CDIP1: variants seen among roughly 807,000 people sequenced by gnomAD.
CDIP1 encodes cell death-inducing p53-target protein 1.
CDIP1 carries 9 observed loss-of-function variants against 17.7 expected under a neutral mutation model. The ratio of observed to expected loss-of-function variants is 0.51; its 90% CI spans 0.31 to 0.89. The LOEUF is 0.89. CDIP1 is among the 40% of genes least tolerant of loss of function. The pLI is 0.05. For synonymous variants in CDIP1, 117 were observed against 109.5 expected (o/e 1.07, Z -0.43); for missense variants, 263 against 277.9 (o/e 0.95, Z 0.38).
At chr16:4,527,764 C>T (rs1199664817) in intron 1 of CDIP1, among the ~76,000 whole-genome samples, 3 of 152,168 alleles carry the variant, frequency 2.0e-5, no homozygotes, top group African/African-American at 7.2e-5. Context: ...TGGTTACATG[C>T]ATGTGATTAG....
At chr16:4,518,933 G>T (rs2058915972) in intron 1 of CDIP1, among the ~76,000 whole-genome samples, 1 of 152,226 alleles carries the variant, frequency 6.6e-6, no homozygotes, top group South Asian at 2.1e-4. Context: ...GATCTGCCCA[G>T]TTCCCAACAG....
chr16:4,517,212 T>C (rs552567767), intron 1 of CDIP1, among the ~76,000 whole-genome samples: 3 of 152,342 alleles, frequency 2.0e-5, no homozygotes, highest in Admixed American at 6.5e-5. Context: ...GTGCCAGTTA[T>C]TAATTTTCAT....
intron 1 of CDIP1, among the ~76,000 whole-genome samples, chr16:4,522,232 G>A (rs920372632): frequency 7.9e-5 from 12 of 152,242 alleles, no homozygotes; most frequent in Admixed American, 7.2e-4. Flanking sequence ...GTCCTCCAAG[G>A]GCCATCTCTC....
intron 1 of CDIP1, among the ~76,000 whole-genome samples, chr16:4,523,572 G>A (rs2058972132): frequency 6.6e-6 from 1 of 152,136 alleles, no homozygotes; most frequent in African/African-American, 2.4e-5. Context: ...AAGTGAAGAG[G>A]ATGAGCGTTA....
In CDIP1 at chr16:4,536,020, T is replaced by G. The variant is rs544388489; in HGVS notation, c.-105+2682A>C. 5.3e-5 allele frequency among the ~76,000 whole-genome samples: 8 copies of G among 152,326 alleles called. No homozygotes were observed. The East Asian group carries it at 7.7e-4, about 15-fold the overall frequency. On this transcript the variant is annotated intron_variant, in intron 1 of 5. Transcript: ENST00000567695. ...CCTGTCACCACTGCCGGCCTGGCTC[T>G]CTCTCTCCATCCTCCCCATGGAGCG...
intron 1 of CDIP1, chr16:4,522,489 C>T (rs1406818521): frequency 6.6e-6 from 1 of 152,288 alleles, no homozygotes; most frequent in African/African-American, 2.4e-5. Flanking sequence ...AGGCAGGTCC[C>T]AGGCATCCAG....
rs115282479 is a variant in CDIP1, at chr16:4,512,744, G to A, written c.515+47C>T. Reference sequence around the variant, plus strand: ...GCTGCGGAGGAGGCAGAGGCAGCCAGTTGACCCTGGTGCAGCCCCCACCCT... The same window carrying A: ...GCTGCGGAGGAGGCAGAGGCAGCCAATTGACCCTGGTGCAGCCCCCACCCT... On this transcript the variant is annotated intron_variant, in intron 5 of 5. Transcript: ENST00000567695. The surrounding 1 kb of genome is among the most constrained non-coding windows in gnomAD (Gnocchi z 4.6). The A allele has an allele frequency of 2.1e-4, 333 of 1,603,460 alleles. No homozygotes were observed. In the African/African-American group the frequency reaches 3.6e-3, roughly 17 times the overall value.
At chr16:4,516,024 C>G (rs2058883721) in intron 1 of CDIP1, among the ~76,000 whole-genome samples, 1 of 152,076 alleles carries the variant, frequency 6.6e-6, no homozygotes, top group African/African-American at 2.4e-5. Context: ...TGGAAACAAC[C>G]CAAATGTCCA....
intron 1 of CDIP1, among the ~76,000 whole-genome samples, chr16:4,521,204 A>G (rs755524024): frequency 7.2e-5 from 11 of 151,916 alleles, no homozygotes; most frequent in Non-Finnish European, 1.5e-4. Context: ...TTGTTTCCGC[A>G]CTGCTCCTAC....
intron 1 of CDIP1, among the ~76,000 whole-genome samples, chr16:4,516,223 A>G (rs1301002088): frequency 6.6e-6 from 1 of 152,190 alleles, no homozygotes; most frequent in African/African-American, 2.4e-5. Context: ...AGGCAAACCC[A>G]TAGAAACGGA....
At chr16:4,535,986 A>G (rs959665526) in intron 1 of CDIP1, among the ~76,000 whole-genome samples, 3 of 152,178 alleles carry the variant, frequency 2.0e-5, no homozygotes, top group African/African-American at 7.2e-5. Context: ...CGTGGGGGAA[A>G]GGGAACCTCC....
chr16:4,534,701 T>TG lies in CDIP1; in HGVS notation c.-105+4000_-105+4001insC, dbSNP rs1249452090. Among the ~76,000 whole-genome samples the TG allele has an allele frequency of 1.5e-3, 211 of 144,086 alleles. 2 individuals carry two copies. The highest frequency in any genetic ancestry group is 0.015 in the East Asian group (73 of 5,002). The allele number at this position is 144,086 out of a possible 152,430, so 94.5% of individuals were successfully genotyped here. A position where few individuals can be genotyped will look rare whatever the true frequency, so the allele number is the denominator to read the frequency against. On this transcript the variant is annotated intron_variant, in intron 1 of 5. Coordinates refer to ENST00000567695, the MANE Select transcript of CDIP1 (RefSeq NM_013399.3). ...CCGCTGTTTGCATGGTTTTTTTTTT[T>TG]TTTTTTTTTTTTGGTTTTTGTTTGT...
Position 4,512,731 on chromosome 16 carries a change from G to A in CDIP1, c.516-48C>T. The A allele has an allele frequency of 1.2e-6, 2 of 1,604,458 alleles. No individual in the cohort carries two copies. Among genetic ancestry groups the A allele is most frequent in the Admixed American group, 1.7e-5 (1 of 59,576 alleles). On this transcript the variant is annotated intron_variant, in intron 5 of 5. Transcript: ENST00000567695. This position sits in a 1 kb window ranked among gnomAD's most constrained non-coding sequence, Gnocchi z 4.6. The stretch of plus-strand genomic sequence containing the variant: ...CAGGCTGAGGCCTGCTGCGGAGGAG[G>A]CAGAGGCAGCCAGTTGACCCTGGTG...
At chr16:4,525,169 C>G (rs896617181) in intron 1 of CDIP1, among the ~76,000 whole-genome samples, 1 of 152,078 alleles carries the variant, frequency 6.6e-6, no homozygotes, top group African/African-American at 2.4e-5. Context: ...TTCAAGTGAT[C>G]CATGATCAAA....
rs984612002 is a variant in CDIP1 at position 4,511,238 on chromosome 16, C to T, written c.*1334G>A. ...GGGTGTGAGACCCTGAGGACTCAGC[C>T]TCCCGTCCTGCCAGTAGACTGCCTG... On this transcript the variant is annotated 3_prime_UTR_variant, in exon 6 of 6. Transcript: ENST00000567695. 1.3e-5 allele frequency: 2 copies of T among 152,646 alleles called. No homozygotes were observed. Among genetic ancestry groups the T allele is most frequent in the African/African-American group, 4.8e-5 (2 of 41,426 alleles). 9.5% of individuals were successfully genotyped at this position (152,646 alleles called of 1,614,324 possible).
At chr16:4,534,907 G>C (rs142812666) in intron 1 of CDIP1, among the ~76,000 whole-genome samples, 2 of 151,708 alleles carry the variant, frequency 1.3e-5, no homozygotes, top group African/African-American at 4.8e-5. Flanking sequence ...TAGTAGAGAC[G>C]GGGTTTCTCC....
chr16:4,517,459 G>C (rs187999005), intron 1 of CDIP1, among the ~76,000 whole-genome samples: 32 of 152,280 alleles, frequency 2.1e-4, no homozygotes, highest in Admixed American at 1.7e-3. Context: ...CAGTGGCCAG[G>C]TGCAGGGACT....
In CDIP1 at chr16:4,513,656, G is replaced by C. The variant is rs2058856916; in HGVS notation, c.241+40C>G. ...GCCAGCGCAGGCCAGACAGCAGCCA[G>C]GAGTTCCCCATGCTCCCCTCAGATC... On this transcript the variant is annotated intron_variant, in intron 4 of 5. Transcript: ENST00000567695. This position sits in a 1 kb window ranked among gnomAD's most constrained non-coding sequence, Gnocchi z 4.1. 1 of 1,582,156 alleles carries C rather than the reference G, an allele frequency of 6.3e-7. No homozygotes were observed. Among genetic ancestry groups the C allele is most frequent in the African/African-American group, 1.3e-5 (1 of 74,116 alleles).
rs74005347 is a variant in CDIP1, at chr16:4,521,480, G to C, written c.-104-6816C>G. Among the ~76,000 whole-genome samples, 988 of 152,094 alleles carry C rather than the reference G, an allele frequency of 6.5e-3. 15 individuals are homozygous for C. Among genetic ancestry groups the C allele is most frequent in the African/African-American group, 0.022 (925 of 41,494 alleles). On this transcript the variant is annotated intron_variant, in intron 1 of 5. Coordinates refer to ENST00000567695, the MANE Select transcript of CDIP1 (RefSeq NM_013399.3). ...CAAGTCTTGGAGTCGCTCCTGGGGA[G>C]GCCCTGAGTTTGTTGTTCTGGCAAG...
Sources: allele counts gnomAD v4.1 joint callset (sites outside exome capture counted in the v4.1 genomes callset), GRCh38; gene constraint gnomAD v4.1.1; non-coding constraint Gnocchi (gnomAD v3.1); transcripts MANE v1.5; gene names NCBI Gene and HGNC (gene_info 2026-07-23, HGNC 2026-07-21).